KLHDC1: variants seen among roughly 807,000 people sequenced by gnomAD.
The protein encoded by KLHDC1 is kelch domain-containing protein 1.
Under a neutral mutation model 68.3 loss-of-function variants are expected in KLHDC1, and 53 were observed. The observed-to-expected ratio is 0.78, with a 90% CI of 0.62 to 0.98. KLHDC1 has a LOEUF of 0.98. Among genes scored for constraint, KLHDC1 ranks in the 50% least tolerant of loss-of-function variants. KLHDC1 has a pLI of 0.00. For synonymous variants in KLHDC1, 148 were observed against 159.0 expected, an observed-to-expected ratio of 0.93 and a Z score of 0.52; for missense variants, 470 against 492.3, an observed-to-expected ratio of 0.95 and a Z score of 0.43.
intron 4 of KLHDC1, among the ~76,000 whole-genome samples, chr14:49,711,701 A>T (rs1263145332): frequency 6.6e-6 from 1 of 151,910 alleles, no homozygotes; most frequent in African/African-American, 2.4e-5. Context: ...CAACTCTGTT[A>T]TTTGAGTTCT....
chr14:49,693,580 C>T (rs1026283311), intron 1 of KLHDC1, among the ~76,000 whole-genome samples: 2 of 151,912 alleles, frequency 1.3e-5, no homozygotes, highest in Non-Finnish European at 2.9e-5. Flanking sequence ...AATGCAAAGG[C>T]AGTTACAGCG....
intron 1 of KLHDC1, among the ~76,000 whole-genome samples, chr14:49,693,748 C>CTATTTTTTTTTTTTTTTTTTT (rs1887644922): frequency 1.6e-5 from 1 of 61,540 alleles, no homozygotes; most frequent in African/African-American, 5.4e-5. Context: ...TTTTCTTTTT[C>CTATTTTTTTTTTTTTTTTTTT]TTTTTTTTTT....
At chr14:49,724,028 C>G in intron 5 of KLHDC1, 76 bp downstream of exon 5, 1 of 801,550 alleles carries the variant, frequency 1.2e-6, no homozygotes, top group South Asian at 1.8e-5. Context: ...TGAGTCTAGT[C>G]TTTCTCATTT....
chr14:49,698,475 T>TA (rs1186857991), intron 1 of KLHDC1, among the ~76,000 whole-genome samples: 3 of 151,884 alleles, frequency 2.0e-5, no homozygotes, highest in Non-Finnish European at 4.4e-5. Context: ...GTGCTGGGAT[T>TA]ACAGGCCTGA....
intron 5 of KLHDC1, 57 bp from the exon 6 acceptor site, chr14:49,725,629 T>C: frequency 2.3e-6 from 2 of 886,698 alleles, no homozygotes; most frequent in Non-Finnish European, 3.5e-6. Context: ...GATAAAACTG[T>C]AATAATAATG....
chr14:49,740,120 G>T lies in KLHDC1; in HGVS notation c.919G>T (p.Gly307Ter). The T allele has an allele frequency of 6.2e-7, 1 of 1,611,048 alleles. No individual in the cohort carries two copies. Residue 307 changes from glycine to a stop codon, truncating the protein, a stop_gained, in exon 11 of 13, where the codon GGA becomes TGA. Transcript: ENST00000359332. LOFTEE classifies it high-confidence loss of function. ...TAGGTTATGGCACACAGCCTGTTTG[G>T]GAAAAGAAAATGAAATAATGGTATT... Reference protein sequence around the residue: ...RPRLWHTACLGKENEIMVFGG... With the variant: ...RPRLWHTACL
At position 49,751,745 on chromosome 14, in the gene KLHDC1, T is replaced by G. The variant is rs765353990; in HGVS notation, c.1194T>G (p.Asn398Lys). 2 of 1,580,230 alleles carry G rather than the reference T, an allele frequency of 1.3e-6. No individual in the cohort carries two copies. The highest frequency in any genetic ancestry group is 1.7e-6 in the Non-Finnish European group (2 of 1,159,570). Residue 398 changes from asparagine (N) to lysine (K), a missense_variant, in exon 13 of 13, where the codon AAT becomes AAG. Physicochemically the swap from Asn to Lys is moderately conservative, Grantham distance 94. Coordinates refer to ENST00000359332, the MANE Select transcript of KLHDC1 (RefSeq NM_172193.3). ...GAGTCCAAAAAGAAGAAACAGAAAA[T>G]AAATATCAGTGGATCAGTAGCAATT... The part of the protein sequence containing the change: ...EQRVQKEETE[N>K]KYQWISSN
chr14:49,703,427 C>T (rs1313280448), intron 1 of KLHDC1, among the ~76,000 whole-genome samples: 1 of 151,816 alleles, frequency 6.6e-6, no homozygotes, highest in African/African-American at 2.4e-5. Context: ...ACTGCAACCT[C>T]CGCCTCCTGG....
rs1339686682 is a variant in KLHDC1 at position 49,752,011 on chromosome 14, T to C, written c.*239T>C. On this transcript the variant is annotated 3_prime_UTR_variant, in exon 13 of 13. Transcript: ENST00000359332. ...AACAAATATTCTTTCTGAAAGTAAG[T>C]ACAGTTATAACAGATTTTAAATCAA... The C allele has an allele frequency of 4.2e-6, 1 of 237,554 alleles. No homozygotes were observed. Among genetic ancestry groups the C allele is most frequent in the Non-Finnish European group, 8.1e-6 (1 of 123,082 alleles). 14.7% of individuals were successfully genotyped at this position (237,554 alleles called of 1,614,324 possible).
At chr14:49,740,540 C>T (rs1274855846) in intron 11 of KLHDC1, among the ~76,000 whole-genome samples, 5 of 152,114 alleles carry the variant, frequency 3.3e-5, no homozygotes, top group East Asian at 1.9e-4. Context: ...GGGGTTTCAC[C>T]GTGTTAGCCA....
chr14:49,724,823 T>A (rs1888623571), intron 5 of KLHDC1, among the ~76,000 whole-genome samples: 1 of 145,654 alleles, frequency 6.9e-6, no homozygotes, highest in Non-Finnish European at 1.5e-5. Context: ...GGAACACAAA[T>A]GGTATTTTTT....
chr14:49,702,390 T>C lies in KLHDC1; in HGVS notation c.97-6769T>C, dbSNP rs543701484. ...AATAAGAGTACAAGTTTGTGTAACCTTTTTGAGGAGAAATTTAGCAATGTG... is the reference window on the plus strand; with the variant it reads ...AATAAGAGTACAAGTTTGTGTAACCCTTTTGAGGAGAAATTTAGCAATGTG... On this transcript the variant is annotated intron_variant, in intron 1 of 12. Coordinates refer to ENST00000359332, the MANE Select transcript of KLHDC1 (RefSeq NM_172193.3). Among the ~76,000 whole-genome samples the C allele has an allele frequency of 3.2e-3, 483 of 151,306 alleles. 2 individuals carry two copies. Among genetic ancestry groups the C allele is most frequent in the African/African-American group, 0.011 (462 of 40,600 alleles).
chr14:49,717,746 C>CT (rs1349547612), intron 4 of KLHDC1, among the ~76,000 whole-genome samples: 1 of 151,392 alleles, frequency 6.6e-6, no homozygotes, highest in African/African-American at 2.4e-5. Flanking sequence ...GGTGTTAATT[C>CT]TTTTTTAAAT....
chr14:49,744,231 C>T (rs895533234), intron 12 of KLHDC1, among the ~76,000 whole-genome samples: 8 of 151,684 alleles, frequency 5.3e-5, no homozygotes, highest in Non-Finnish European at 8.8e-5. Context: ...TTTGAGGCTG[C>T]GTTGAGCTAT....
chr14:49,729,801 T>G (rs1888758796), intron 8 of KLHDC1, among the ~76,000 whole-genome samples: 1 of 152,336 alleles, frequency 6.6e-6, no homozygotes, highest in South Asian at 2.1e-4. Context: ...TGAGGATTGA[T>G]CAGTAGAAGA....
intron 4 of KLHDC1, among the ~76,000 whole-genome samples, chr14:49,713,840 A>ATTTTT (rs1566603014): frequency 1.3e-4 from 2 of 15,098 alleles, no homozygotes; most frequent in Non-Finnish European, 2.7e-4. Context: ...ATATATATAT[A>ATTTTT]TATATATATA....
chr14:49,748,037 A>G (rs544407773), intron 12 of KLHDC1, among the ~76,000 whole-genome samples: 22 of 152,332 alleles, frequency 1.4e-4, no homozygotes, highest in Admixed American at 2.0e-4. Context: ...GAAGAGTCCA[A>G]AGAGTAAGGG....
intron 10 of KLHDC1, among the ~76,000 whole-genome samples, chr14:49,738,118 C>A (rs1432195250): frequency 2.0e-5 from 3 of 151,830 alleles, no homozygotes; most frequent in Non-Finnish European, 4.4e-5. Context: ...ACCTCCGCCT[C>A]CTGGGTTCAA....
At chr14:49,694,540 G>A (rs928744535) in intron 1 of KLHDC1, among the ~76,000 whole-genome samples, 17 of 152,124 alleles carry the variant, frequency 1.1e-4, no homozygotes, top group African/African-American at 3.4e-4. Context: ...GCATGCAATA[G>A]TATTATGTGT....
Sources: gnomAD v4.1 joint callset for allele counts (sites outside exome capture counted in the v4.1 genomes callset) on GRCh38, gnomAD v4.1.1 for gene constraint, MANE v1.5 for transcripts, NCBI Gene and HGNC (gene_info 2026-07-23, HGNC 2026-07-21) for gene names.